Variants in KANK1 observed in about 807,000 individuals in gnomAD.
The protein encoded by KANK1 is KN motif and ankyrin repeat domain-containing protein 1.
KANK1 carries 109 observed loss-of-function variants against 106.2 expected under a neutral mutation model. The observed-to-expected ratio is 1.03, with a 90% CI of 0.88 to 1.20. The LOEUF is 1.20. KANK1 is among the 50% of genes most tolerant of loss of function. The pLI, the probability that KANK1 is intolerant of heterozygous loss-of-function variation, is 0.00. For synonymous variants in KANK1, 873 were observed against 652.2 expected (o/e 1.34, Z -5.16); for missense variants, 2,399 against 1,710.7 (o/e 1.40, Z -7.10).
At chr9:672,087 A>C (rs551202476) in intron 1 of KANK1, among the ~76,000 whole-genome samples, 77 of 152,214 alleles carry the variant, frequency 5.1e-4, no homozygotes, top group Non-Finnish European at 9.8e-4. Context: ...TTATGCCCTA[A>C]GTTCTCATTT....
intron 1 of KANK1, among the ~76,000 whole-genome samples, chr9:609,412 G>C (rs1830070638): frequency 1.3e-5 from 2 of 152,166 alleles, no homozygotes; most frequent in Non-Finnish European, 2.9e-5. Context: ...CGGATCACCT[G>C]AGGTCAGGAG....
rs2130972668 is a variant in KANK1 at position 713,033 on chromosome 9, C to T, written c.2267C>T (p.Thr756Ile). Residue 756 changes from threonine to isoleucine, a missense_variant, in exon 3 of 12, where the codon ACC (threonine) becomes ATC (isoleucine). Thr to Ile is a moderately conservative substitution (Grantham distance 89). Transcript: ENST00000382297. ...TTTGACAGGCCATCAGCTGTGAAGA[C>T]CAAAGAGTCAGGTGTGGGGCAGATA... ...SGFDRPSAVK[T>I]KESGVGQINI... 2 of 1,614,148 alleles carry T rather than the reference C, an allele frequency of 1.2e-6. No homozygotes were observed. Among genetic ancestry groups the T allele is most frequent in the Non-Finnish European group, 1.7e-6 (2 of 1,180,034 alleles).
At chr9:645,158 A>C (rs1446493000) in intron 1 of KANK1, among the ~76,000 whole-genome samples, 1 of 142,680 alleles carries the variant, frequency 7.0e-6, no homozygotes, top group African/African-American at 2.7e-5. Flanking sequence ...AATTAGGCTT[A>C]GGGAGTGCAT....
intron 2 of KANK1, among the ~76,000 whole-genome samples, chr9:688,175 G>T (rs1275380007): frequency 6.6e-6 from 1 of 152,218 alleles, no homozygotes; most frequent in African/African-American, 2.4e-5. Context: ...ATTCATGTGT[G>T]ACACTTCACC....
intron 2 of KANK1, among the ~76,000 whole-genome samples, chr9:681,417 G>C (rs1817531924): frequency 6.6e-6 from 1 of 152,010 alleles, no homozygotes; most frequent in East Asian, 1.9e-4. Context: ...TTTTCCCCAA[G>C]TTTCTGAATC....
intron 3 of KANK1, among the ~76,000 whole-genome samples, chr9:716,609 G>A (rs1053868682): frequency 2.0e-5 from 3 of 152,096 alleles, no homozygotes; most frequent in Non-Finnish European, 2.9e-5. Context: ...GTATATTAGC[G>A]GCCAATCCAT....
chr9:622,216 A>G (rs1447841132), intron 1 of KANK1, among the ~76,000 whole-genome samples: 1 of 152,168 alleles, frequency 6.6e-6, no homozygotes, highest in East Asian at 1.9e-4. Flanking sequence ...TACTTTTAGT[A>G]TCCATAAAAG....
Position 711,579 on chromosome 9 carries a change from G to A in KANK1, c.813G>A (p.Leu271=). ...QHIREQMAIA[L]KRLKELEEQV... ...TCCGCGAGCAGATGGCCATTGCTCT[G>A]AAACGCCTGAAGGAGCTGGAGGAGC... Residue 271 remains leucine, a synonymous_variant, in exon 3 of 12, where the codon CTG becomes CTA. Coordinates refer to ENST00000382297, the MANE Select transcript of KANK1 (RefSeq NM_015158.5). 1 of 1,614,118 alleles carries A rather than the reference G, an allele frequency of 6.2e-7. No individual in the cohort carries two copies. Among genetic ancestry groups the A allele is most frequent in the Non-Finnish European group, 8.5e-7 (1 of 1,180,010 alleles).
chr9:522,430 G>T (rs1056806967), intron 1 of KANK1, among the ~76,000 whole-genome samples: 1 of 151,512 alleles, frequency 6.6e-6, no homozygotes, highest in Non-Finnish European at 1.5e-5. Flanking sequence ...TGCTCACTCC[G>T]TCTCTTTCAT....
chr9:570,620 G>C (rs1818918388), intron 1 of KANK1, among the ~76,000 whole-genome samples: 1 of 152,208 alleles, frequency 6.6e-6, no homozygotes, highest in Non-Finnish European at 1.5e-5. Flanking sequence ...TGGAAACTGA[G>C]CATTGGAGAC....
chr9:604,051 G>C (rs1369311314), intron 1 of KANK1, among the ~76,000 whole-genome samples: 2 of 151,428 alleles, frequency 1.3e-5, no homozygotes, highest in Admixed American at 1.3e-4. Context: ...TTGGGGAGGA[G>C]AATGGAGTGT....
At chr9:606,173 ACACACACACCACT>A (rs1829079748) in intron 1 of KANK1, among the ~76,000 whole-genome samples, 1 of 149,174 alleles carries the variant, frequency 6.7e-6, no homozygotes, top group Admixed American at 6.7e-5. Flanking sequence ...ACACACACAC[ACACACACACCACT>A]CACACATATA....
chr9:699,069 C>G (rs1015121484), intron 2 of KANK1, among the ~76,000 whole-genome samples: 2 of 152,160 alleles, frequency 1.3e-5, no homozygotes, highest in Non-Finnish European at 2.9e-5. Flanking sequence ...TTTCCTCTGC[C>G]TAGAATTTCT....
intron 2 of KANK1, among the ~76,000 whole-genome samples, chr9:690,281 G>A (rs1819596805): frequency 1.3e-5 from 2 of 150,808 alleles, no homozygotes; most frequent in African/African-American, 4.9e-5. Flanking sequence ...ACTCCAGCCT[G>A]GGTGACGGAG....
intron 2 of KANK1, chr9:707,038 G>A (rs772846825): frequency 4.2e-4 from 410 of 985,372 alleles, no homozygotes; most frequent in Admixed American, 1.0e-3. Context: ...AGCTGAGTGC[G>A]GCGGGGGTGG....
chr9:655,893 C>CA (rs1471463967), intron 1 of KANK1, among the ~76,000 whole-genome samples: 7 of 152,208 alleles, frequency 4.6e-5, no homozygotes, highest in Non-Finnish European at 8.8e-5. Flanking sequence ...TTTAGTATGA[C>CA]ACATGTAGTA....
intron 1 of KANK1, among the ~76,000 whole-genome samples, chr9:546,138 G>C (rs1414422347): frequency 6.6e-6 from 1 of 152,136 alleles, no homozygotes; most frequent in East Asian, 1.9e-4. Context: ...TGGGACTTCA[G>C]CTCTTATGTG....
At chr9:542,728 A>G (rs9408623) in intron 1 of KANK1, among the ~76,000 whole-genome samples, 9,115 of 152,314 alleles carry the variant, frequency 0.06, 306 homozygotes, top group South Asian at 0.084. Flanking sequence ...CCCTTACAAA[A>G]GAAGAAATCC....
At chr9:563,406 G>C (rs748968080) in intron 1 of KANK1, among the ~76,000 whole-genome samples, 1 of 152,160 alleles carries the variant, frequency 6.6e-6, no homozygotes, top group Non-Finnish European at 1.5e-5. Context: ...GTGATAGTCT[G>C]TGTCAGTTCA....
Sources: allele counts gnomAD v4.1 joint callset (sites outside exome capture counted in the v4.1 genomes callset), GRCh38; gene constraint gnomAD v4.1.1; transcripts MANE v1.5; gene names NCBI Gene and HGNC (gene_info 2026-07-23, HGNC 2026-07-21).